Variants in UGGT1 observed in about 807,000 individuals in gnomAD.
The protein encoded by UGGT1 is UDP-glucose:glycoprotein glucosyltransferase 1.
UGGT1 carries 107 observed loss-of-function variants against 203.9 expected under a neutral mutation model. That is an observed-to-expected ratio of 0.52 (90% CI 0.45 to 0.62). The LOEUF is 0.62. UGGT1 is among the 20% of genes least tolerant of loss of function. The pLI is 0.00. For synonymous variants in UGGT1, 628 were observed against 653.5 expected, an observed-to-expected ratio of 0.96 and a Z score of 0.59; for missense variants, 1,673 against 1,867.2, an observed-to-expected ratio of 0.90 and a Z score of 1.92.
chr2:128,166,094 C>G (rs1178388647), intron 26 of UGGT1, among the ~76,000 whole-genome samples: 1 of 152,184 alleles, frequency 6.6e-6, no homozygotes, highest in Non-Finnish European at 1.5e-5. Flanking sequence ...TTGTTCTTCA[C>G]TTTTTTGTTT....
At chr2:128,104,332 C>T (rs1051612445) in intron 3 of UGGT1, among the ~76,000 whole-genome samples, 2 of 152,170 alleles carry the variant, frequency 1.3e-5, no homozygotes, top group African/African-American at 4.8e-5. Flanking sequence ...TAATAACCAT[C>T]TAATCTGATT....
intron 31 of UGGT1, 65 bp from the exon 32 acceptor site, chr2:128,176,749 C>T (rs1467982471): frequency 2.7e-6 from 4 of 1,458,500 alleles, no homozygotes; most frequent in African/African-American, 1.4e-5. Context: ...CTCAGATGCT[C>T]TGAGAGCATT....
intron 16 of UGGT1, among the ~76,000 whole-genome samples, chr2:128,139,077 A>T (rs1689283778): frequency 6.6e-6 from 1 of 152,220 alleles, no homozygotes; most frequent in African/African-American, 2.4e-5. Context: ...CTCCATGAGA[A>T]GTAATGGGGA....
intron 11 of UGGT1, among the ~76,000 whole-genome samples, chr2:128,124,948 T>TCACTCCTTAGTGCTCATTA (rs1384717117): frequency 1.3e-5 from 2 of 152,184 alleles, no homozygotes; most frequent in Non-Finnish European, 2.9e-5. Flanking sequence ...ACTAAGGACC[T>TCACTCCTTAGTGCTCATTA]GGTTGGAAGT....
At chr2:128,103,253 A>G (rs1188852098) in intron 2 of UGGT1, 6 of 331,544 alleles carry the variant, frequency 1.8e-5, no homozygotes, top group Non-Finnish European at 1.9e-5. Flanking sequence ...GAATCATTCA[A>G]TTACTACGTG....
intron 39 of UGGT1, 146 bp downstream of exon 39, chr2:128,186,945 G>T: frequency 3.3e-6 from 2 of 598,836 alleles, no homozygotes; most frequent in Non-Finnish European, 2.9e-6. Flanking sequence ...GTTTGTCGGG[G>T]CTATTCTTAT....
Position 128,189,708 on chromosome 2 carries a change from T to C in UGGT1, c.4643-9T>C. On this transcript the variant is annotated splice_polypyrimidine_tract_variant and intron_variant, in intron 40 of 40. Transcript: ENST00000259253. ...CTGTTTTCTTTTCTGTGGTTCTCCT[T>C]TTCCTTAGGTCCTCAGAAACGTGAA... is the stretch of plus-strand genomic sequence containing the variant. The C allele has an allele frequency of 6.2e-7, 1 of 1,611,500 alleles. No individual in the cohort carries two copies. Among genetic ancestry groups the C allele is most frequent in the Non-Finnish European group, 8.5e-7 (1 of 1,178,402 alleles).
intron 26 of UGGT1, among the ~76,000 whole-genome samples, chr2:128,168,213 A>G: frequency 6.6e-6 from 1 of 152,204 alleles, no homozygotes; most frequent in South Asian, 2.1e-4. Context: ...CTTCTCACAA[A>G]TGCCCAGGGG....
At chr2:128,164,067 C>T (rs554953416) in intron 25 of UGGT1, among the ~76,000 whole-genome samples, 7 of 151,964 alleles carry the variant, frequency 4.6e-5, no homozygotes, top group Non-Finnish European at 7.4e-5. Flanking sequence ...TAGTCCCAGC[C>T]AGTCGGGAGG....
At chr2:128,128,438 AG>A (rs1403048503) in intron 12 of UGGT1, among the ~76,000 whole-genome samples, 1 of 151,338 alleles carries the variant, frequency 6.6e-6, no homozygotes, top group Non-Finnish European at 1.5e-5. Flanking sequence ...CACCCTTCTG[AG>A]TAGCTGGGAT....
chr2:128,171,164 A>G (rs768305844), intron 27 of UGGT1, 41 bp from the exon 28 acceptor site: 12 of 1,568,140 alleles, frequency 7.7e-6, no homozygotes, highest in Non-Finnish European at 1.0e-5. Context: ...ATTTCTGAAG[A>G]AAAAAATCCT....
chr2:128,159,667 G>T lies in UGGT1; in HGVS notation c.2509G>T (p.Gly837Trp), dbSNP rs199903025. The change falls in exon 23 of 41, where the codon GGG becomes TGG. Residue 837 changes from glycine to tryptophan, a missense_variant. Around this residue, in one of 4 missense-constraint regions of UGGT1, gnomAD observed 1,073 missense variants for 1,078.7 expected, o/e 0.99. Coordinates refer to ENST00000259253, the MANE Select transcript of UGGT1 (RefSeq NM_020120.4). ...CTTCATCACCAAAATGGCCAAGGAG[G>T]GGGCTGCAGAGGCCCTGGCTGCAGG... ...KNFITKMAKEGAAEALAAGAD... is the reference protein window; with the variant it reads ...KNFITKMAKEWAAEALAAGAD... The T allele has an allele frequency of 1.9e-6, 3 of 1,614,092 alleles. No individual in the cohort carries two copies. The highest frequency in any genetic ancestry group is 1.7e-6 in the Non-Finnish European group (2 of 1,180,012).
In UGGT1 at chr2:128,195,619, G is replaced by A. The variant is rs1222210766; in HGVS notation, c.*5877G>A. 1 of 152,158 alleles carries A rather than the reference G, an allele frequency of 6.6e-6. No homozygotes were observed. The highest frequency in any genetic ancestry group is 1.5e-5 in the Non-Finnish European group (1 of 68,034). 9.4% of individuals were successfully genotyped at this position (152,158 alleles called of 1,614,324 possible). A position where few individuals can be genotyped will look rare whatever the true frequency, so the allele number is the denominator to read the frequency against. ...AAGGGAATTGAGAATGAACTTCCTGGTACTGTAATGAAAATAAGGTCTGCT... is the reference window on the plus strand; with the variant it reads ...AAGGGAATTGAGAATGAACTTCCTGATACTGTAATGAAAATAAGGTCTGCT... On this transcript the variant is annotated 3_prime_UTR_variant, in exon 41 of 41. Coordinates refer to ENST00000259253, the MANE Select transcript of UGGT1 (RefSeq NM_020120.4).
At position 128,189,802 on chromosome 2, in the gene UGGT1, G is replaced by GT; in HGVS notation, c.*66dup. ...AAAACAGTTTTTATAATAAATGCTA[G>GT]TTTTTTCTGATCTGTCTATACAACT... On this transcript the variant is annotated 3_prime_UTR_variant, in exon 41 of 41. Coordinates refer to ENST00000259253, the MANE Select transcript of UGGT1 (RefSeq NM_020120.4). 6.3e-7 allele frequency: 1 copy of GT among 1,591,420 alleles called. No individual in the cohort carries two copies. Among genetic ancestry groups the GT allele is most frequent in the Admixed American group, 1.7e-5 (1 of 58,772 alleles).
intron 38 of UGGT1, among the ~76,000 whole-genome samples, chr2:128,185,600 A>T (rs534546652): frequency 6.6e-6 from 1 of 150,650 alleles, no homozygotes; most frequent in East Asian, 2.0e-4. Flanking sequence ...CAGCCTCCTG[A>T]GCAGCTGGGA....
intron 4 of UGGT1, among the ~76,000 whole-genome samples, chr2:128,108,530 A>G (rs1312634165): frequency 1.1e-4 from 16 of 151,554 alleles, no homozygotes; most frequent in Admixed American, 9.3e-4. Flanking sequence ...TTGAAAAGAA[A>G]AAGAGGGACA....
At position 128,194,618 on chromosome 2, in the gene UGGT1, C is replaced by G. The variant is rs1485275721; in HGVS notation, c.*4876C>G. ...TTTTTTAAGTACTTGATTTTATGGGCACATTTTTGTGGGATGATTGGAGTT... is the reference window on the plus strand; with the variant it reads ...TTTTTTAAGTACTTGATTTTATGGGGACATTTTTGTGGGATGATTGGAGTT... On this transcript the variant is annotated 3_prime_UTR_variant, in exon 41 of 41. Transcript: ENST00000259253. The G allele has an allele frequency of 2.0e-5, 3 of 152,076 alleles. No homozygotes were observed. The highest frequency in any genetic ancestry group is 4.4e-5 in the Non-Finnish European group (3 of 68,010). 9.4% of individuals were successfully genotyped at this position (152,076 alleles called of 1,614,324 possible).
At chr2:128,182,752 T>C (rs1156389781) in intron 37 of UGGT1, among the ~76,000 whole-genome samples, 1 of 151,786 alleles carries the variant, frequency 6.6e-6, no homozygotes, top group Non-Finnish European at 1.5e-5. Context: ...GTCTCTCTCT[T>C]TCCTACTCAG....
intron 16 of UGGT1, among the ~76,000 whole-genome samples, chr2:128,142,584 CAA>C (rs140971109): frequency 5.4e-4 from 31 of 57,390 alleles, no homozygotes; most frequent in Admixed American, 6.0e-4. Flanking sequence ...GACTCCATCT[CAA>C]AAAAAAAAAA....
Sources: allele counts gnomAD v4.1 joint callset (sites outside exome capture counted in the v4.1 genomes callset), GRCh38; gene constraint gnomAD v4.1.1; regional missense constraint gnomAD v4.1.1; transcripts MANE v1.5; gene names NCBI Gene and HGNC (gene_info 2026-07-23, HGNC 2026-07-21).